SHISA5: variants seen among roughly 807,000 people sequenced by gnomAD.
SHISA5 encodes shisa family member 5.
Under a neutral mutation model 27.5 loss-of-function variants are expected in SHISA5, and 21 were observed. That is an observed-to-expected ratio of 0.76 (90% CI 0.54 to 1.10). The LOEUF is 1.10. Ranked by LOEUF, SHISA5 falls within the 50% of genes least tolerant of loss-of-function variation. SHISA5 has a pLI of 0.00. For synonymous variants in SHISA5, 137 were observed against 142.2 expected (o/e 0.96, Z 0.26); for missense variants, 314 against 336.3 (o/e 0.93, Z 0.52).
At chr3:48,485,414 G>C (rs2041170754) in intron 2 of SHISA5, among the ~76,000 whole-genome samples, 1 of 151,066 alleles carries the variant, frequency 6.6e-6, no homozygotes, top group African/African-American at 2.4e-5. Context: ...AGAATCGCTT[G>C]AACCTGGGAG....
At chr3:48,491,273 C>T (rs537600177) in intron 2 of SHISA5, among the ~76,000 whole-genome samples, 2 of 152,068 alleles carry the variant, frequency 1.3e-5, no homozygotes, top group African/African-American at 4.8e-5. Flanking sequence ...CGCCCGTCAC[C>T]ATGCCCAGCT....
intron 2 of SHISA5, among the ~76,000 whole-genome samples, chr3:48,497,427 T>A (rs1185119528): frequency 6.6e-6 from 1 of 150,502 alleles, no homozygotes; most frequent in East Asian, 2.1e-4. Flanking sequence ...CATGCCCAGC[T>A]AATTTTTGTA....
Position 48,468,343 on chromosome 3 carries a change from G to C in SHISA5, c.*764C>G. Reference sequence around the variant, plus strand: ...CTCACCTGTGGGAAGGGCAGGGCCAGCAAGGGCAGCAGAGCTCCCTGGGGG... The same window carrying C: ...CTCACCTGTGGGAAGGGCAGGGCCACCAAGGGCAGCAGAGCTCCCTGGGGG... On this transcript the variant is annotated 3_prime_UTR_variant, in exon 6 of 6. Coordinates refer to ENST00000296444, the MANE Select transcript of SHISA5 (RefSeq NM_016479.6). 9.5e-7 allele frequency: 1 copy of C among 1,051,228 alleles called. No individual in the cohort carries two copies. Among genetic ancestry groups the C allele is most frequent in the Non-Finnish European group, 1.2e-6 (1 of 869,058 alleles). The allele number at this position is 1,051,228 out of a possible 1,614,324, so 65.1% of individuals were successfully genotyped here. A position where few individuals can be genotyped will look rare whatever the true frequency, so the allele number is the denominator to read the frequency against.
chr3:48,503,553 C>A lies in SHISA5; in HGVS notation c.76+466G>T, dbSNP rs942125877. Among the ~76,000 whole-genome samples, 8 of 152,320 alleles carry A rather than the reference C, an allele frequency of 5.3e-5. 1 individual carries two copies. The highest frequency in any genetic ancestry group is 2.0e-4 in the Admixed American group (3 of 15,300). Reference sequence around the variant, plus strand: ...ACCAACACACACAGTGGTGTCTCCACCCCAGAGGCCAGCCTCAGCGCCGGG... The same window carrying A: ...ACCAACACACACAGTGGTGTCTCCAACCCAGAGGCCAGCCTCAGCGCCGGG... On this transcript the variant is annotated intron_variant, in intron 1 of 5. Transcript: ENST00000296444.
Position 48,479,090 on chromosome 3 carries a change from C to T in SHISA5, c.314+87G>A, listed in dbSNP as rs1321261454. The T allele has an allele frequency of 4.0e-6, 5 of 1,234,932 alleles. No homozygotes were observed. The African/African-American group carries it at 4.5e-5, about 11-fold the overall frequency. 76.5% of individuals were successfully genotyped at this position (1,234,932 alleles called of 1,614,324 possible). ...GGCTCCACCCCAATGACCGAATCAT[C>T]CCAGTCCCCCAGATGCACACTGGCC... is the stretch of plus-strand genomic sequence containing the variant. On this transcript the variant is annotated intron_variant, in intron 3 of 5. Transcript: ENST00000296444.
chr3:48,481,838 C>T (rs1461414553), intron 2 of SHISA5, among the ~76,000 whole-genome samples: 1 of 150,506 alleles, frequency 6.6e-6, no homozygotes, highest in African/African-American at 2.5e-5. Flanking sequence ...GAGGCCGAGG[C>T]GGGTGGATCA....
In SHISA5 at chr3:48,497,137, CA is replaced by C. The variant is rs537336691; in HGVS notation, c.233+3999del. Among the ~76,000 whole-genome samples, 16 of 151,684 alleles carry C rather than the reference CA, an allele frequency of 1.1e-4. No homozygotes were observed. The East Asian group carries it at 2.9e-3, about 28-fold the overall frequency. ...ATTCCAGCTACTCTGGAGGCTGAGG[CA>C]GGGGAATCACTTGAACCCAGGAGGC... On this transcript the variant is annotated intron_variant, in intron 2 of 5. Transcript: ENST00000296444.
chr3:48,469,682 C>T lies in SHISA5; in HGVS notation c.430+46G>A. On this transcript the variant is annotated intron_variant, in intron 4 of 5. Coordinates refer to ENST00000296444, the MANE Select transcript of SHISA5 (RefSeq NM_016479.6). This position sits in a 1 kb window ranked among gnomAD's most constrained non-coding sequence, Gnocchi z 4.6. ...CCAAAGCAGGGCCTGGTCAGCTTCC[C>T]TTACCACCCCAGGGGGTCACAGTGG... 6.2e-7 allele frequency: 1 copy of T among 1,610,598 alleles called. No individual in the cohort carries two copies. Among genetic ancestry groups the T allele is most frequent in the South Asian group, 1.1e-5 (1 of 90,660 alleles).
At chr3:48,477,474 C>T (rs981483263) in intron 3 of SHISA5, among the ~76,000 whole-genome samples, 1 of 152,030 alleles carries the variant, frequency 6.6e-6, no homozygotes, top group African/African-American at 2.4e-5. Flanking sequence ...CAGGATCATA[C>T]CTCACTGTAG....
upstream of SHISA5, chr3:48,504,554 C>G (rs969050077): frequency 6.4e-6 from 1 of 155,092 alleles, no homozygotes; most frequent in Non-Finnish European, 1.4e-5. The surrounding 1 kb of genome is among the most constrained non-coding windows in gnomAD (Gnocchi z 4.0). Flanking sequence ...CAGCCGCAGT[C>G]CCGGCGGATC....
chr3:48,503,956 G>A (rs752874358), intron 1 of SHISA5, 63 bp downstream of exon 1: 86 of 1,431,868 alleles, frequency 6.0e-5, no homozygotes, highest in Non-Finnish European at 7.6e-5. Context: ...CGTTGGAGAG[G>A]CAGCGCGGGG....
chr3:48,479,992 C>T (rs1018332192), intron 2 of SHISA5, among the ~76,000 whole-genome samples: 2 of 152,056 alleles, frequency 1.3e-5, no homozygotes, highest in Non-Finnish European at 2.9e-5. Context: ...CAAGCTCCGC[C>T]TCCCGGCTTC....
At chr3:48,481,962 G>A (rs1466113501) in intron 2 of SHISA5, among the ~76,000 whole-genome samples, 4 of 151,234 alleles carry the variant, frequency 2.6e-5, no homozygotes, top group Non-Finnish European at 4.4e-5. Context: ...ACAGCTACTC[G>A]GGAGGCTGAG....
At chr3:48,499,864 CAAAA>C (rs55724575) in intron 2 of SHISA5, among the ~76,000 whole-genome samples, 1 of 47,038 alleles carries the variant, frequency 2.1e-5, no homozygotes. Flanking sequence ...GACTCCGTCT[CAAAA>C]AAAAAAAAAA....
At chr3:48,489,986 T>C (rs536872628) in intron 2 of SHISA5, among the ~76,000 whole-genome samples, 1 of 152,168 alleles carries the variant, frequency 6.6e-6, no homozygotes, top group African/African-American at 2.4e-5. Flanking sequence ...CAAAGACAAT[T>C]CAATCATCAA....
intron 2 of SHISA5, among the ~76,000 whole-genome samples, chr3:48,499,756 C>T (rs1213388623): frequency 7.0e-6 from 1 of 143,026 alleles, no homozygotes; most frequent in Non-Finnish European, 1.5e-5. Context: ...CCCAGCTACT[C>T]GGGAGGCTGA....
intron 2 of SHISA5, among the ~76,000 whole-genome samples, chr3:48,480,686 G>A: frequency 6.6e-6 from 1 of 152,064 alleles, no homozygotes; most frequent in East Asian, 1.9e-4. Flanking sequence ...TTGAACCCAG[G>A]AGGCGGAGGT....
rs541040863 is a variant in SHISA5 at position 48,469,244 on chromosome 3, C to T, written c.644-58G>A. ...GCATGGTGGGCTGCCGTGTGAGTGGCAGGCAAGCAGAAAGGGGCAGAGGCC... is the reference window on the plus strand; with the variant it reads ...GCATGGTGGGCTGCCGTGTGAGTGGTAGGCAAGCAGAAAGGGGCAGAGGCC... On this transcript the variant is annotated intron_variant, in intron 5 of 5. Coordinates refer to ENST00000296444, the MANE Select transcript of SHISA5 (RefSeq NM_016479.6). The surrounding 1 kb of genome is among the most constrained non-coding windows in gnomAD (Gnocchi z 4.6). 1.9e-6 allele frequency: 3 copies of T among 1,592,058 alleles called. No homozygotes were observed. In the South Asian group the frequency reaches 3.4e-5, roughly 18 times the overall value.
Position 48,473,249 on chromosome 3 carries a change from G to T in SHISA5, c.315-3406C>A. ...GCCAAGGAGCCAAGGGGCGGGGGCC[G>T]GGGAGGAGGGGAAGCAGAGGTGCCC... On this transcript the variant is annotated intron_variant, in intron 3 of 5. Transcript: ENST00000296444. This position sits in a 1 kb window ranked among gnomAD's most constrained non-coding sequence, Gnocchi z 4.3. The T allele has an allele frequency of 7.1e-7, 1 of 1,418,148 alleles. No homozygotes were observed. Among genetic ancestry groups the T allele is most frequent in the Non-Finnish European group, 9.2e-7 (1 of 1,088,436 alleles). 87.8% of individuals were successfully genotyped at this position (1,418,148 alleles called of 1,614,324 possible). A position where few individuals can be genotyped will look rare whatever the true frequency, so the allele number is the denominator to read the frequency against.
Sources: gnomAD v4.1 joint callset for allele counts (sites outside exome capture counted in the v4.1 genomes callset) on GRCh38, gnomAD v4.1.1 for gene constraint, Gnocchi (gnomAD v3.1) non-coding constraint, MANE v1.5 for transcripts, NCBI Gene and HGNC (gene_info 2026-07-23, HGNC 2026-07-21) for gene names.